ANKFY1: variants seen among roughly 807,000 people sequenced by gnomAD.
ANKFY1 encodes the protein ankyrin repeat and FYVE domain-containing protein 1.
In ANKFY1, 47 loss-of-function variants were observed where a neutral mutation model predicts 128.3. That is an observed-to-expected ratio of 0.37 (90% CI 0.29 to 0.47). The LOEUF (loss-of-function observed/expected upper bound fraction) is 0.47, where lower values mean the gene tolerates loss of function less well. ANKFY1 is among the 20% of genes least tolerant of loss of function. ANKFY1 has a pLI of 1.00. For synonymous variants in ANKFY1, 553 were observed against 601.6 expected (o/e 0.92, Z 1.18); for missense variants, 1,222 against 1,510.6 (o/e 0.81, Z 3.17).
intron 1 of ANKFY1, among the ~76,000 whole-genome samples, chr17:4,258,957 T>G (rs1968267902): frequency 6.6e-6 from 1 of 152,220 alleles, no homozygotes; most frequent in Non-Finnish European, 1.5e-5. Context: ...TTTTCAATTT[T>G]TACTTTTACT....
chr17:4,206,552 C>A, intron 6 of ANKFY1, 66 bp from the exon 7 acceptor site: 1 of 1,426,372 alleles, frequency 7.0e-7, no homozygotes, highest in South Asian at 1.2e-5. Flanking sequence ...TAATTTCTCC[C>A]ACCTTGACCC....
chr17:4,195,557 G>T, intron 8 of ANKFY1, 86 bp from the exon 9 acceptor site: 1 of 994,862 alleles, frequency 1.0e-6, no homozygotes, highest in Non-Finnish European at 1.6e-6. Flanking sequence ...ATCCCAGGCA[G>T]AATCACCACC....
intron 11 of ANKFY1, chr17:4,186,998 T>C: frequency 8.2e-7 from 1 of 1,212,936 alleles, no homozygotes; most frequent in Non-Finnish European, 1.0e-6. Context: ...GCCGCAACTG[T>C]TTTTTTTAAA....
intron 7 of ANKFY1, among the ~76,000 whole-genome samples, chr17:4,199,924 T>C (rs1332954612): frequency 1.3e-5 from 2 of 152,192 alleles, no homozygotes; most frequent in Admixed American, 6.5e-5. Flanking sequence ...AAGGCAAGAA[T>C]AGCAAAGCAT....
chr17:4,223,503 G>A lies in ANKFY1; in HGVS notation c.323-6385C>T. 4 of 1,184,006 alleles carry A rather than the reference G, an allele frequency of 3.4e-6. No individual in the cohort carries two copies. In the South Asian group the frequency reaches 3.6e-5, roughly 11 times the overall value. The allele number at this position is 1,184,006 out of a possible 1,614,324, so 73.3% of individuals were successfully genotyped here. ...GTCTCATGGACTATCACTGTCTGGGGGACAATGAAAACAGGCCAGTTTGTT... is the reference window on the plus strand; with the variant it reads ...GTCTCATGGACTATCACTGTCTGGGAGACAATGAAAACAGGCCAGTTTGTT... On this transcript the variant is annotated intron_variant, in intron 3 of 24. Coordinates refer to ENST00000341657, the MANE Select transcript of ANKFY1 (RefSeq NM_001330063.2).
At chr17:4,226,947 C>T (rs986252954) in intron 3 of ANKFY1, among the ~76,000 whole-genome samples, 1 of 151,974 alleles carries the variant, frequency 6.6e-6, no homozygotes, top group Non-Finnish European at 1.5e-5. Context: ...AAACTACAAA[C>T]AAATTCATAG....
At chr17:4,224,918 A>G (rs2060397578) in intron 3 of ANKFY1, among the ~76,000 whole-genome samples, 1 of 132,486 alleles carries the variant, frequency 7.5e-6, no homozygotes. Flanking sequence ...AGTGCTATGC[A>G]CAGAGTGGGT....
At chr17:4,179,084 G>C (rs367838998) in intron 17 of ANKFY1, 27 bp from the exon 18 acceptor site, 359 of 1,608,160 alleles carry the variant, frequency 2.2e-4, no homozygotes, top group Non-Finnish European at 3.0e-4. Context: ...AGAATTTAAT[G>C]TTCAATTGCA....
At chr17:4,215,493 A>G (rs2060206589) in intron 4 of ANKFY1, among the ~76,000 whole-genome samples, 2 of 152,088 alleles carry the variant, frequency 1.3e-5, no homozygotes, top group African/African-American at 4.8e-5. Context: ...GCACCCTTTC[A>G]TTATCTCAAG....
At position 4,164,787 on chromosome 17, in the gene ANKFY1, A is replaced by ACACACTGAGATC. The variant is rs1425538851; in HGVS notation, c.*2980_*2991dup. On this transcript the variant is annotated 3_prime_UTR_variant, in exon 25 of 25. Transcript: ENST00000341657. ...GCGGGGAGGAGTGGAGAAACCACAC[A>ACACACTGAGATC]CACACTGAGATCCACACAGGGACCC... The ACACACTGAGATC allele has an allele frequency of 1.5e-5, 2 of 133,444 alleles. No homozygotes were observed. Among genetic ancestry groups the ACACACTGAGATC allele is most frequent in the African/African-American group, 5.6e-5 (2 of 35,520 alleles). The allele number at this position is 133,444 out of a possible 1,614,324, so 8.3% of individuals were successfully genotyped here. A position where few individuals can be genotyped will look rare whatever the true frequency, so the allele number is the denominator to read the frequency against.
chr17:4,188,572 A>T (rs1228375805), intron 11 of ANKFY1: 2 of 152,224 alleles, frequency 1.3e-5, no homozygotes, highest in African/African-American at 2.4e-5. Context: ...ATTAAAAGGG[A>T]TAATAGCCTT....
chr17:4,168,456 A>G (rs916461593), intron 24 of ANKFY1, among the ~76,000 whole-genome samples: 4 of 151,416 alleles, frequency 2.6e-5, no homozygotes, highest in African/African-American at 7.3e-5. Flanking sequence ...TGTCTCAAAA[A>G]CAAACAAAAA....
intron 10 of ANKFY1, among the ~76,000 whole-genome samples, chr17:4,192,310 A>T (rs561917045): frequency 7.3e-6 from 1 of 137,466 alleles, no homozygotes; most frequent in Admixed American, 7.3e-5. Context: ...TGGTTACTCT[A>T]ATCTGGAGAC....
chr17:4,187,664 TTTTG>T (rs2059635798), intron 11 of ANKFY1: 1 of 165,960 alleles, frequency 6.0e-6, no homozygotes, highest in Non-Finnish European at 1.3e-5. Context: ...GGAGGTTTTT[TTTTG>T]TTTGTTTTTT....
At chr17:4,235,689 A>G in intron 3 of ANKFY1, 83 bp downstream of exon 3, 2 of 929,754 alleles carry the variant, frequency 2.2e-6, no homozygotes, top group Non-Finnish European at 3.4e-6. Context: ...TAAATCACAA[A>G]TATTTCAAAA....
At chr17:4,219,990 T>C (rs1366394861) in intron 3 of ANKFY1, among the ~76,000 whole-genome samples, 1 of 152,026 alleles carries the variant, frequency 6.6e-6, no homozygotes, top group African/African-American at 2.4e-5. Context: ...GCCCAGCTAA[T>C]TTTTTTGTAT....
chr17:4,263,802 G>A, intron 1 of ANKFY1, 130 bp downstream of exon 1: 5 of 1,604,286 alleles, frequency 3.1e-6, no homozygotes, highest in Admixed American at 1.7e-5. Context: ...GGCTAGACAG[G>A]AAGGCTCGCG....
chr17:4,214,980 T>C (rs1304069847), intron 4 of ANKFY1, among the ~76,000 whole-genome samples: 1 of 152,180 alleles, frequency 6.6e-6, no homozygotes, highest in Non-Finnish European at 1.5e-5. Context: ...TTTTTTAGTA[T>C]ACATTAATTA....
Position 4,197,466 on chromosome 17 carries a change from T to G in ANKFY1, c.1010A>C (p.Lys337Thr). The G allele has an allele frequency of 6.2e-7, 1 of 1,614,208 alleles. No homozygotes were observed. Among genetic ancestry groups the G allele is most frequent in the Non-Finnish European group, 8.5e-7 (1 of 1,180,040 alleles). ...CTCAGACATCACATCTGCTGAGTGTTTCTTTGAACTGTACAAGGCCACAAG... is the reference window on the plus strand; with the variant it reads ...CTCAGACATCACATCTGCTGAGTGTGTCTTTGAACTGTACAAGGCCACAAG... ...LHLVALYSSK[K>T]HSADVMSEMA... is the part of the protein sequence containing the mutation. The change falls in exon 8 of 25, where the codon AAA becomes ACA. Residue 337 changes from lysine (K) to threonine (T), a missense_variant. By Grantham distance (78) the Lys-to-Thr change is moderately conservative (BLOSUM62 -1). Coordinates refer to ENST00000341657, the MANE Select transcript of ANKFY1 (RefSeq NM_001330063.2).
Sources: allele counts gnomAD v4.1 joint callset (sites outside exome capture counted in the v4.1 genomes callset), GRCh38; gene constraint gnomAD v4.1.1; transcripts MANE v1.5; gene names NCBI Gene and HGNC (gene_info 2026-07-23, HGNC 2026-07-21).